JAG1: variants seen among roughly 807,000 people sequenced by gnomAD.
JAG1 encodes protein jagged-1.
Under a neutral mutation model 148.7 loss-of-function variants are expected in JAG1, and 23 were observed. That is an observed-to-expected ratio of 0.15 (90% CI 0.11 to 0.22). The LOEUF (loss-of-function observed/expected upper bound fraction) is 0.22, where lower values mean the gene tolerates loss of function less well. Ranked by LOEUF, JAG1 falls within the 10% of genes least tolerant of loss-of-function variation. The pLI is 1.00. For missense variants in JAG1, 1,054 were observed against 1,611.2 expected, an observed-to-expected ratio of 0.65 and a Z score of 5.92; for synonymous variants, 572 against 598.3, an observed-to-expected ratio of 0.96 and a Z score of 0.64.
At chr20:10,657,861 C>A (rs1311523383) in intron 4 of JAG1, among the ~76,000 whole-genome samples, 11 of 152,208 alleles carry the variant, frequency 7.2e-5, no homozygotes, top group Admixed American at 7.2e-4. Flanking sequence ...TGCAAGGCTA[C>A]CCTGAATGCA....
Position 10,644,958 on chromosome 20 carries a change from G to A in JAG1, c.2249C>T (p.Pro750Leu), listed in dbSNP as rs761239768. 1 of 1,612,354 alleles carries A rather than the reference G, an allele frequency of 6.2e-7. No individual in the cohort carries two copies. The highest frequency in any genetic ancestry group is 1.1e-5 in the South Asian group (1 of 90,970). ...CNIARNSSCL[P>L]NPCHNGGTCV... ...TGTGCCCCCATTATGGCAGGGGTTG[G>A]GCAGGCAGCTACTGTTTCGGGCTAT... Residue 750 changes from proline (P) to leucine (L), a missense_variant, in exon 18 of 26, where the codon CCC becomes CTC. Physicochemically the swap from Pro to Leu is moderately conservative, Grantham distance 98 (BLOSUM62 -3). Coordinates refer to ENST00000254958, the MANE Select transcript of JAG1 (RefSeq NM_000214.3).
At chr20:10,653,086 C>T (rs1308199132) in intron 5 of JAG1, among the ~76,000 whole-genome samples, 1 of 151,844 alleles carries the variant, frequency 6.6e-6, no homozygotes, top group Non-Finnish European at 1.5e-5. Flanking sequence ...GAAACTGCCT[C>T]ACGATGACGC....
At chr20:10,665,849 A>G (rs1568804141) in intron 2 of JAG1, among the ~76,000 whole-genome samples, 1 of 152,148 alleles carries the variant, frequency 6.6e-6, no homozygotes, top group African/African-American at 2.4e-5. Context: ...TCAGTTTAAT[A>G]CTCAAAGAGG....
chr20:10,663,874 A>T, intron 3 of JAG1, 89 bp downstream of exon 3: 1 of 994,992 alleles, frequency 1.0e-6, no homozygotes, highest in Non-Finnish European at 1.6e-6. Context: ...AATGCTAAGT[A>T]CTAAGGAGAC....
intron 8 of JAG1, chr20:10,651,020 T>C: frequency 6.3e-6 from 1 of 159,524 alleles, no homozygotes; most frequent in Non-Finnish European, 1.4e-5. Flanking sequence ...ACACCTGGGG[T>C]GCTGATGACA....
Position 10,645,121 on chromosome 20 carries a change from C to A in JAG1, c.2227+22G>T. ...CCAGGTGGCCATGCCCACTGCAGAT[C>A]CCACGTGGGGCATAAAGTTACCTAT... On this transcript the variant is annotated intron_variant, in intron 17 of 25. Coordinates refer to ENST00000254958, the MANE Select transcript of JAG1 (RefSeq NM_000214.3). The surrounding 1 kb of genome is among the most constrained non-coding windows in gnomAD (Gnocchi z 6.1). The A allele has an allele frequency of 1.3e-6, 2 of 1,590,014 alleles. No individual in the cohort carries two copies. The highest frequency in any genetic ancestry group is 1.7e-6 in the Non-Finnish European group (2 of 1,158,034).
At position 10,645,269 on chromosome 20, in the gene JAG1, A is replaced by T. The variant is rs1435575717; in HGVS notation, c.2114-13T>A. 1 of 1,612,022 alleles carries T rather than the reference A, an allele frequency of 6.2e-7. No homozygotes were observed. The highest frequency in any genetic ancestry group is 8.5e-7 in the Non-Finnish European group (1 of 1,178,250). On this transcript the variant is annotated splice_polypyrimidine_tract_variant and intron_variant, in intron 16 of 25. Coordinates refer to ENST00000254958, the MANE Select transcript of JAG1 (RefSeq NM_000214.3). This position sits in a 1 kb window ranked among gnomAD's most constrained non-coding sequence, Gnocchi z 6.1. Reference sequence around the variant, plus strand: ...CACTGACTGTCACCTGGAGGAAAATATTTCAGTGTGAGTCCCAGTGGCCCC... The same window carrying T: ...CACTGACTGTCACCTGGAGGAAAATTTTTCAGTGTGAGTCCCAGTGGCCCC...
intron 2 of JAG1, among the ~76,000 whole-genome samples, chr20:10,665,320 G>A (rs1002747597): frequency 6.6e-6 from 1 of 152,158 alleles, no homozygotes; most frequent in Non-Finnish European, 1.5e-5. Flanking sequence ...GAATTCAGCC[G>A]AAATATGTTT....
chr20:10,667,364 T>A (rs1369460332), intron 2 of JAG1, among the ~76,000 whole-genome samples: 1 of 152,182 alleles, frequency 6.6e-6, no homozygotes, highest in Admixed American at 6.5e-5. Context: ...GCTTGTCCTG[T>A]GTTAGCATTA....
Position 10,639,470 on chromosome 20 carries a change from AC to A in JAG1, c.*27del. 6.3e-7 allele frequency: 1 copy of A among 1,588,556 alleles called. No homozygotes were observed. The highest frequency in any genetic ancestry group is 8.6e-7 in the Non-Finnish European group (1 of 1,156,458). ...AAAGAACTACAAGCCCTCAGACTCT[AC>A]CTAGCGGCGGCAGTGCCCGCGGTCT... On this transcript the variant is annotated 3_prime_UTR_variant, in exon 26 of 26. Coordinates refer to ENST00000254958, the MANE Select transcript of JAG1 (RefSeq NM_000214.3).
In JAG1 at chr20:10,647,293, C is replaced by A. The variant is rs1384730188; in HGVS notation, c.1721-190G>T. 9 of 656,762 alleles carry A rather than the reference C, an allele frequency of 1.4e-5. No individual in the cohort carries two copies. In the African/African-American group the frequency reaches 1.6e-4, roughly 12 times the overall value. 40.7% of individuals were successfully genotyped at this position (656,762 alleles called of 1,614,324 possible). On this transcript the variant is annotated intron_variant, in intron 13 of 25. Transcript: ENST00000254958. ...TGACAGGCAAAGTTGAGACTCCAGG[C>A]AAAGAGTTTTAAAGCATTTTCTCCC...
chr20:10,653,763 A>G (rs2067361455), intron 5 of JAG1, among the ~76,000 whole-genome samples: 1 of 152,184 alleles, frequency 6.6e-6, no homozygotes. Context: ...GAGGCAGGCT[A>G]GCAAATCCTT....
chr20:10,641,123 T>A lies in JAG1; in HGVS notation c.3038A>T (p.His1013Leu), dbSNP rs758687380. The A allele has an allele frequency of 9.3e-5, 150 of 1,613,982 alleles. No homozygotes were observed. In the East Asian group the frequency reaches 3.3e-3, roughly 36 times the overall value. ...GGGTCTTATACTTACAATGGCCACA[T>A]GTATTTCATTGTTCGCTGAAGGGGA... is the stretch of plus-strand genomic sequence containing the variant. The part of the protein sequence containing the change: ...EPSPSANNEI[H>L]VAISAEDIRD... The change falls in exon 24 of 26, where the codon CAT (histidine) becomes CTT (leucine). Residue 1013 changes from histidine to leucine, a missense_variant. Coordinates refer to ENST00000254958, the MANE Select transcript of JAG1 (RefSeq NM_000214.3).
At chr20:10,655,196 C>A (rs1168305421) in intron 5 of JAG1, among the ~76,000 whole-genome samples, 1 of 152,100 alleles carries the variant, frequency 6.6e-6, no homozygotes, top group East Asian at 1.9e-4. Flanking sequence ...ACAGACGGAG[C>A]GGTGGAATCA....
intron 2 of JAG1, among the ~76,000 whole-genome samples, chr20:10,666,552 TG>T (rs1256231849): frequency 2.0e-5 from 3 of 152,174 alleles, no homozygotes; most frequent in Non-Finnish European, 4.4e-5. Flanking sequence ...AGCAAATACC[TG>T]GGTTTTTCTT....
chr20:10,653,094 C>T (rs969374059), intron 5 of JAG1, among the ~76,000 whole-genome samples: 2 of 151,696 alleles, frequency 1.3e-5, no homozygotes, highest in Admixed American at 6.6e-5. Context: ...CTCACGATGA[C>T]GCTTTATTTA....
In JAG1 at chr20:10,648,680, C is replaced by A. The variant is rs144557870; in HGVS notation, c.1438G>T (p.Ala480Ser). The change falls in exon 12 of 26, where the codon GCA becomes TCA. Residue 480 changes from alanine to serine, a missense_variant. Ala to Ser is a moderately conservative substitution (Grantham distance 99, BLOSUM62 1). Around this residue, in one of 6 missense-constraint regions of JAG1, gnomAD observed 245 missense variants for 373.1 expected, o/e 0.66. Coordinates refer to ENST00000254958, the MANE Select transcript of JAG1 (RefSeq NM_000214.3). Reference protein sequence around the residue: ...GYRCICPPGYAGDHCERDIDE... With the variant: ...GYRCICPPGYSGDHCERDIDE... ...ATGTCTCTCTCACAGTGATCGCCTG[C>A]ATAGCCAGGTGGACAGATACAGCGA... is the stretch of plus-strand genomic sequence containing the variant. 4.3e-6 allele frequency: 7 copies of A among 1,614,108 alleles called. No homozygotes were observed. The African/African-American group carries it at 9.3e-5, about 22-fold the overall frequency.
intron 2 of JAG1, among the ~76,000 whole-genome samples, chr20:10,672,296 G>A (rs1182278989): frequency 2.0e-5 from 3 of 152,206 alleles, no homozygotes; most frequent in African/African-American, 7.2e-5. Flanking sequence ...GGCGTTCGCA[G>A]GCCAGAACTG....
In JAG1 at chr20:10,638,731, GCAA is replaced by G. The variant is rs2067249197; in HGVS notation, c.*764_*766del. 6.6e-6 allele frequency: 1 copy of G among 152,432 alleles called. No individual in the cohort carries two copies. Among genetic ancestry groups the G allele is most frequent in the Non-Finnish European group, 1.5e-5 (1 of 68,024 alleles). 9.4% of individuals were successfully genotyped at this position (152,432 alleles called of 1,614,324 possible). A position where few individuals can be genotyped will look rare whatever the true frequency, so the allele number is the denominator to read the frequency against. Reference sequence around the variant, plus strand: ...CAAACACCTTAATTTTGGCTTATAGGCAACAAGTAATGAGAAGAGTTCAAAAAA... The same window carrying G: ...CAAACACCTTAATTTTGGCTTATAGGCAAGTAATGAGAAGAGTTCAAAAAA... On this transcript the variant is annotated 3_prime_UTR_variant, in exon 26 of 26. Coordinates refer to ENST00000254958, the MANE Select transcript of JAG1 (RefSeq NM_000214.3).
Sources: allele counts gnomAD v4.1 joint callset (sites outside exome capture counted in the v4.1 genomes callset), GRCh38; gene constraint gnomAD v4.1.1; regional missense constraint gnomAD v4.1.1; non-coding constraint Gnocchi (gnomAD v3.1); transcripts MANE v1.5; gene names NCBI Gene and HGNC (gene_info 2026-07-23, HGNC 2026-07-21).